CHD8: variants seen among roughly 807,000 people sequenced by gnomAD.
CHD8 encodes ATP-dependent chromatin remodeler CHD8.
In CHD8, 31 loss-of-function variants were observed where a neutral mutation model predicts 279.2. That is an observed-to-expected ratio of 0.11 (90% CI 0.08 to 0.15). The LOEUF is 0.15. Among genes scored for constraint, CHD8 ranks in the 10% least tolerant of loss-of-function variants. The pLI is 1.00. For missense variants in CHD8, 2,146 were observed against 3,230.5 expected (o/e 0.66, Z 8.14); for synonymous variants, 1,081 against 1,139.6 (o/e 0.95, Z 1.04).
At chr14:21,419,173 TATCAC>T (rs1339688811) in intron 5 of CHD8, among the ~76,000 whole-genome samples, 3 of 152,260 alleles carry the variant, frequency 2.0e-5, no homozygotes, top group African/African-American at 7.2e-5. Context: ...ACTTGATTTT[TATCAC>T]ATCCATCATA....
intron 1 of CHD8, chr14:21,436,974 C>G (rs189455398): frequency 4.7e-6 from 6 of 1,284,628 alleles, no homozygotes; most frequent in Non-Finnish European, 6.1e-6. Context: ...AACTGGAGAC[C>G]CCAAAATGGA....
In CHD8 at chr14:21,393,920, C is replaced by A. The variant is rs1887658024; in HGVS notation, c.5875G>T (p.Ala1959Ser). 1 of 1,613,786 alleles carries A rather than the reference C, an allele frequency of 6.2e-7. No individual in the cohort carries two copies. The highest frequency in any genetic ancestry group is 1.1e-5 in the South Asian group (1 of 91,086). The change falls in exon 32 of 38, where the codon GCT (alanine) becomes TCT (serine). Residue 1959 changes from alanine to serine, a missense_variant. By Grantham distance (99) the Ala-to-Ser change is moderately conservative. Around this residue, in one of 26 missense-constraint regions of CHD8, gnomAD observed 513 missense variants for 637.6 expected, o/e 0.80. Coordinates refer to ENST00000646647, the MANE Select transcript of CHD8 (RefSeq NM_001170629.2). ...IMQDPDFSFL[A>S]ARMNYMQNHQ... ...TTCTGCATATAATTCATACGGGCAG[C>A]CAGAAAAGAGAAGTCTGGGTCCTGC...
At position 21,385,850 on chromosome 14, in the gene CHD8, ATGGTGGGGGTGGGGGTGGTGGTGG is replaced by A; in HGVS notation, c.7485_7508del (p.Pro2499_His2506del). The A allele has an allele frequency of 4.0e-6, 2 of 500,942 alleles. No homozygotes were observed. The highest frequency in any genetic ancestry group is 1.6e-5 in the South Asian group (1 of 62,102). 31.0% of individuals were successfully genotyped at this position (500,942 alleles called of 1,614,324 possible). On this transcript the variant is annotated inframe_deletion, in exon 38 of 38. Transcript: ENST00000646647. ...TCAAGCCTGGATGGTGATGGTGGTG[ATGGTGGGGGTGGGGGTGGTGGTGG>A]TGGTGATGAAGCATGGTGCTGGAGT...
chr14:21,412,836 G>A (rs1335585131), intron 10 of CHD8, 77 bp downstream of exon 10: 41 of 901,504 alleles, frequency 4.5e-5, no homozygotes, highest in Middle Eastern at 2.1e-4. Context: ...ATCCATACCC[G>A]AAAAATAAAG....
At chr14:21,436,889 C>T (rs1464794114) in intron 1 of CHD8, 7 of 1,231,122 alleles carry the variant, frequency 5.7e-6, no homozygotes, top group East Asian at 5.7e-5. Context: ...GGGGGGGACC[C>T]GGGTACATTA....
intron 1 of CHD8, chr14:21,437,428 C>T: frequency 4.2e-6 from 1 of 235,314 alleles, no homozygotes; most frequent in Non-Finnish European, 7.5e-6. Flanking sequence ...AGAGGCCTAT[C>T]CGGTTTCTAG....
At chr14:21,437,988 A>C (rs1169815082) in intron 1 of CHD8, among the ~76,000 whole-genome samples, 1 of 152,100 alleles carries the variant, frequency 6.6e-6, no homozygotes, top group Non-Finnish European at 1.5e-5. Flanking sequence ...TGTCACTTGA[A>C]ATCACTCTAA....
chr14:21,429,554 T>C, intron 2 of CHD8: 1 of 673,720 alleles, frequency 1.5e-6, no homozygotes, highest in South Asian at 1.5e-5. Flanking sequence ...GCAGTGGCTA[T>C]TCACAGGCAC....
In CHD8 at chr14:21,407,030, T is replaced by C; in HGVS notation, c.2733A>G (p.Gly911=). ...ACTTGTATGCGCCTGGGATGAGGCG[T>C]CCCTAAGCATGAAGGCAGTAAAGTC... ...QYEMYCKDSR[G]RLIPGAYKFD... Residue 911 remains glycine, a splice_region_variant and synonymous_variant, in exon 14 of 38, where the codon GGA becomes GGG. Coordinates refer to ENST00000646647, the MANE Select transcript of CHD8 (RefSeq NM_001170629.2). The C allele has an allele frequency of 6.4e-7, 1 of 1,571,106 alleles. No homozygotes were observed. Among genetic ancestry groups the C allele is most frequent in the Non-Finnish European group, 8.6e-7 (1 of 1,158,736 alleles).
chr14:21,389,621 A>G (rs1455790599), intron 37 of CHD8, among the ~76,000 whole-genome samples: 7 of 152,292 alleles, frequency 4.6e-5, no homozygotes, highest in African/African-American at 1.7e-4. Context: ...AAAAAAATAA[A>G]AGATTAAAAA....
chr14:21,439,472 C>T (rs1889902400), intron 1 of CHD8, among the ~76,000 whole-genome samples: 1 of 152,188 alleles, frequency 6.6e-6, no homozygotes, highest in African/African-American at 2.4e-5. Context: ...CTCTGTCAAC[C>T]TTCTTAGTGT....
chr14:21,421,282 C>G (rs1386120313), intron 5 of CHD8, among the ~76,000 whole-genome samples: 1 of 151,946 alleles, frequency 6.6e-6, no homozygotes, highest in Non-Finnish European at 1.5e-5. Flanking sequence ...CACATACATA[C>G]TTTAAACATT....
intron 1 of CHD8, among the ~76,000 whole-genome samples, chr14:21,441,706 G>A (rs974354841): frequency 2.6e-5 from 4 of 151,962 alleles, no homozygotes; most frequent in African/African-American, 9.7e-5. Context: ...GGCTAACACG[G>A]TGAAACCCCG....
At chr14:21,435,764 G>C (rs1205268265) in intron 1 of CHD8, among the ~76,000 whole-genome samples, 9 of 152,228 alleles carry the variant, frequency 5.9e-5, no homozygotes, top group African/African-American at 1.9e-4. Flanking sequence ...TCATTGTTTA[G>C]GCTATTTATA....
intron 1 of CHD8, among the ~76,000 whole-genome samples, chr14:21,447,968 G>C (rs1170745143): frequency 6.6e-6 from 1 of 152,074 alleles, no homozygotes; most frequent in Non-Finnish European, 1.5e-5. Context: ...CCACTTTTGC[G>C]ATCCAACATA....
intron 10 of CHD8, among the ~76,000 whole-genome samples, chr14:21,410,298 T>A (rs944823313): frequency 4.6e-5 from 7 of 152,202 alleles, no homozygotes; most frequent in African/African-American, 1.7e-4. Context: ...TCTTTTCCTA[T>A]ACCATGTTGA....
chr14:21,396,224 G>A (rs1293148790), intron 27 of CHD8, among the ~76,000 whole-genome samples: 1 of 151,916 alleles, frequency 6.6e-6, no homozygotes, highest in Non-Finnish European at 1.5e-5. Flanking sequence ...TCAAATTCCT[G>A]GGCTCAAATA....
intron 1 of CHD8, among the ~76,000 whole-genome samples, chr14:21,450,509 G>A (rs1485887190): frequency 6.6e-6 from 1 of 152,020 alleles, no homozygotes; most frequent in Admixed American, 6.6e-5. Context: ...TCTCAGCTGA[G>A]CACTGTGATA....
intron 5 of CHD8, among the ~76,000 whole-genome samples, chr14:21,418,771 G>C (rs111239815): frequency 6.6e-6 from 1 of 151,928 alleles, no homozygotes; most frequent in Non-Finnish European, 1.5e-5. Context: ...AGCGGAGATC[G>C]CGCCACTGCA....
Sources: gnomAD v4.1 joint callset for allele counts (sites outside exome capture counted in the v4.1 genomes callset) on GRCh38, gnomAD v4.1.1 for gene constraint, gnomAD v4.1.1 regional missense constraint, MANE v1.5 for transcripts, NCBI Gene and HGNC (gene_info 2026-07-23, HGNC 2026-07-21) for gene names.